ZNF518A: variants seen among roughly 807,000 people sequenced by gnomAD.
ZNF518A encodes zinc finger protein 518A.
In ZNF518A, 47 loss-of-function variants were observed where a neutral mutation model predicts 102.7. That is an observed-to-expected ratio of 0.46 (90% CI 0.36 to 0.58). The LOEUF (loss-of-function observed/expected upper bound fraction) is 0.58, where lower values mean the gene tolerates loss of function less well. ZNF518A is among the 20% of genes least tolerant of loss of function. The pLI is 0.00. For missense variants in ZNF518A, 1,793 were observed against 1,699.8 expected, an observed-to-expected ratio of 1.05 and a Z score of -0.96; for synonymous variants, 652 against 594.6, an observed-to-expected ratio of 1.10 and a Z score of -1.40.
rs1210851678 is a variant in ZNF518A at position 96,162,088 on chromosome 10, T to TA, written c.*1315dup. On this transcript the variant is annotated 3_prime_UTR_variant, in exon 6 of 6. Transcript: ENST00000316045. ...GCTATATGATTTTTTGTTACATTGT[T>TA]ACAAGTGTTAATGACATTTTCATTA... 1.2e-5 allele frequency: 2 copies of TA among 166,984 alleles called. No individual in the cohort carries two copies. The highest frequency in any genetic ancestry group is 2.9e-5 in the Non-Finnish European group (2 of 68,044). The allele number at this position is 166,984 out of a possible 1,614,324, so 10.3% of individuals were successfully genotyped here. A position where few individuals can be genotyped will look rare whatever the true frequency, so the allele number is the denominator to read the frequency against.
intron 3 of ZNF518A, among the ~76,000 whole-genome samples, chr10:96,134,137 A>AT (rs2081480540): frequency 6.6e-6 from 1 of 152,228 alleles, no homozygotes; most frequent in South Asian, 2.1e-4. Context: ...AACATTTTGG[A>AT]TTTTGGATAT....
At chr10:96,164,204 A>AT (rs1164481458), downstream of ZNF518A, among the ~76,000 whole-genome samples, 4 of 152,374 alleles carry the variant, frequency 2.6e-5, no homozygotes, top group African/African-American at 9.6e-5. Flanking sequence ...TAAAAACAGA[A>AT]TATTATATAC....
chr10:96,140,454 C>G (rs2081860782), intron 3 of ZNF518A, among the ~76,000 whole-genome samples: 1 of 151,986 alleles, frequency 6.6e-6, no homozygotes. Context: ...GATTTTCTTC[C>G]CTCCCCTCAT....
intron 1 of ZNF518A, among the ~76,000 whole-genome samples, chr10:96,184,614 A>T (rs1554892362): frequency 6.6e-6 from 1 of 152,218 alleles, no homozygotes; most frequent in Non-Finnish European, 1.5e-5. Flanking sequence ...TTCTTTAAGA[A>T]TGTTGAATAT....
Position 96,157,815 on chromosome 10 carries a change from T to C in ZNF518A, c.1493T>C (p.Val498Ala). 2 of 1,613,828 alleles carry C rather than the reference T, an allele frequency of 1.2e-6. No homozygotes were observed. The highest frequency in any genetic ancestry group is 1.7e-6 in the Non-Finnish European group (2 of 1,179,776). The change falls in exon 6 of 6, where the codon GTA becomes GCA. Residue 498 changes from valine (V) to alanine (A), a missense_variant. Transcript: ENST00000316045. ...GACACTAATGGATTTTTAACAGGAG[T>C]AACAACTGAGTTAAATGACACAGTT... ...TLDTNGFLTG[V>A]TTELNDTVYM...
At chr10:96,181,487 T>C (rs587684971) in intron 1 of ZNF518A, among the ~76,000 whole-genome samples, 1 of 151,972 alleles carries the variant, frequency 6.6e-6, no homozygotes, top group African/African-American at 2.4e-5. Flanking sequence ...AGGTCTAACA[T>C]GTAAGTCTTT....
At position 96,160,239 on chromosome 10, in the gene ZNF518A, A is replaced by G. The variant is rs782200540; in HGVS notation, c.3917A>G (p.Glu1306Gly). 8 of 1,613,198 alleles carry G rather than the reference A, an allele frequency of 5.0e-6. 1 individual carries two copies. The highest frequency in any genetic ancestry group is 1.7e-5 in the Admixed American group (1 of 59,864). ...AAGTGTAAAGAAAAGGCAAAACCTGAAGATGTCCGTGAAACATTTGGATTT... is the reference window on the plus strand; with the variant it reads ...AAGTGTAAAGAAAAGGCAAAACCTGGAGATGTCCGTGAAACATTTGGATTT... The part of the protein sequence containing the change: ...HRKCKEKAKP[E>G]DVRETFGFSR... The change falls in exon 6 of 6, where the codon GAA (glutamate) becomes GGA (glycine). Residue 1306 changes from glutamate (E) to glycine (G), a missense_variant. Physicochemically the swap from Glu to Gly is moderately conservative, Grantham distance 98. Coordinates refer to ENST00000316045, the MANE Select transcript of ZNF518A (RefSeq NM_001330736.2).
At chr10:96,185,229 C>T (rs587754488) in intron 1 of ZNF518A, among the ~76,000 whole-genome samples, 1 of 152,278 alleles carries the variant, frequency 6.6e-6, no homozygotes, top group South Asian at 2.1e-4. Flanking sequence ...TTTTTAGCTT[C>T]CTTGTGATGG....
In ZNF518A at chr10:96,146,989, G is replaced by A. The variant is rs151265521; in HGVS notation, c.-301-8337G>A. On this transcript the variant is annotated intron_variant, in intron 3 of 5. Coordinates refer to ENST00000316045, the MANE Select transcript of ZNF518A (RefSeq NM_001330736.2). The stretch of plus-strand genomic sequence containing the variant: ...TCAGAGCCACTTTTGGGGAAGTCTA[G>A]GTAAATCATGAGTGAATCCTAGCAA... 7.8e-3 allele frequency among the ~76,000 whole-genome samples: 1,185 copies of A among 152,276 alleles called. 14 individuals are homozygous for A. The highest frequency in any genetic ancestry group is 0.026 in the African/African-American group (1,065 of 41,558).
chr10:96,203,837 C>CT (rs2083722002), intron 2 of ZNF518A: 1 of 399,684 alleles, frequency 2.5e-6, no homozygotes, highest in African/African-American at 2.1e-5. Flanking sequence ...TAAATCGCTA[C>CT]TAAAAAAAGT....
Sources: allele counts gnomAD v4.1 joint callset (sites outside exome capture counted in the v4.1 genomes callset), GRCh38; gene constraint gnomAD v4.1.1; transcripts MANE v1.5; gene names NCBI Gene and HGNC (gene_info 2026-07-23, HGNC 2026-07-21).